Variants in GPRC6A observed in about 807,000 individuals in gnomAD.
GPRC6A encodes G protein-coupled receptor family C group 6 member A.
Under a neutral mutation model 47.0 loss-of-function variants are expected in GPRC6A, and 54 were observed. The ratio of observed to expected loss-of-function variants is 1.15; its 90% CI spans 0.92 to 1.44. The LOEUF (loss-of-function observed/expected upper bound fraction) is 1.44, where lower values mean the gene tolerates loss of function less well. Among genes scored for constraint, GPRC6A ranks in the 40% most tolerant of loss-of-function variants. GPRC6A has a pLI of 0.00. For missense variants in GPRC6A, 1,112 were observed against 1,105.5 expected, an observed-to-expected ratio of 1.01 and a Z score of -0.08; for synonymous variants, 347 against 377.1, an observed-to-expected ratio of 0.92 and a Z score of 0.93.
rs751706816 is a variant in GPRC6A, at chr6:116,807,144, C to A, written c.561G>T (p.Arg187=). The change falls in exon 3 of 6, where the codon CGG becomes CGT. Residue 187 remains arginine (R), a synonymous_variant. Coordinates refer to ENST00000310357, the MANE Select transcript of GPRC6A (RefSeq NM_148963.4). The stretch of plus-strand genomic sequence containing the variant: ...TTTGATGGAAGTCACTGGGCACAGT[C>A]CGTAAAAATGAAGGAAAGCGAATTT... The part of the protein sequence containing the change: ...SDKIRFPSFL[R]TVPSDFHQIK... 1 of 1,613,366 alleles carries A rather than the reference C, an allele frequency of 6.2e-7. No individual in the cohort carries two copies. The highest frequency in any genetic ancestry group is 8.5e-7 in the Non-Finnish European group (1 of 1,179,698).
intron 3 of GPRC6A, among the ~76,000 whole-genome samples, chr6:116,802,448 T>A (rs1195452043): frequency 6.6e-6 from 1 of 152,160 alleles, no homozygotes; most frequent in Non-Finnish European, 1.5e-5. Flanking sequence ...CACCTGTGTA[T>A]GATAATGCCT....
rs1424648465 is a variant in GPRC6A at position 116,793,186 on chromosome 6, G to A, written c.1737C>T (p.Cys579=). 1 of 1,612,432 alleles carries A rather than the reference G, an allele frequency of 6.2e-7. No individual in the cohort carries two copies. Among genetic ancestry groups the A allele is most frequent in the Admixed American group, 1.7e-5 (1 of 59,878 alleles). The change falls in exon 6 of 6, where the codon TGC becomes TGT. Residue 579 remains cysteine, a synonymous_variant. Transcript: ENST00000310357. ...THWAPVRSTM[C]FEKEVEYLNW... is the part of the protein sequence containing the mutation. ...TGAGATATTCCACTTCCTTTTCAAA[G>A]CACATAGTGCTCCTAACAGGGGCCC... is the stretch of plus-strand genomic sequence containing the variant.
chr6:116,814,396 C>T (rs1039964890), intron 1 of GPRC6A, among the ~76,000 whole-genome samples: 8 of 152,166 alleles, frequency 5.3e-5, no homozygotes, highest in Non-Finnish European at 1.2e-4. Flanking sequence ...AAATGTGGCA[C>T]ATATACACCA....
At chr6:116,814,022 A>G (rs1337343387) in intron 1 of GPRC6A, among the ~76,000 whole-genome samples, 1 of 152,236 alleles carries the variant, frequency 6.6e-6, no homozygotes. Context: ...ATTCCTGGTC[A>G]TCAGAGAAAA....
chr6:116,825,835 G>C (rs1286276808), intron 1 of GPRC6A, among the ~76,000 whole-genome samples: 1 of 151,754 alleles, frequency 6.6e-6, no homozygotes, highest in Non-Finnish European at 1.5e-5. Context: ...AAAACAGCAT[G>C]GTATAAAAAT....
rs751876928 is a variant in GPRC6A, at chr6:116,792,869, A to C, written c.2054T>G (p.Leu685Trp). Residue 685 changes from leucine to tryptophan, a missense_variant, in exon 6 of 6, where the codon TTG becomes TGG. Coordinates refer to ENST00000310357, the MANE Select transcript of GPRC6A (RefSeq NM_148963.4). ...SCILTKSLKILLAFSFDPKLQ... is the reference protein window; with the variant it reads ...SCILTKSLKIWLAFSFDPKLQ... Reference sequence around the variant, plus strand: ...TTTGGGATCAAAGCTGAAGGCTAGCAAAATTTTCAGAGACTTCGTCAAAAT... The same window carrying C: ...TTTGGGATCAAAGCTGAAGGCTAGCCAAATTTTCAGAGACTTCGTCAAAAT... 1 of 1,614,000 alleles carries C rather than the reference A, an allele frequency of 6.2e-7. No homozygotes were observed. The highest frequency in any genetic ancestry group is 1.3e-5 in the African/African-American group (1 of 74,944).
In GPRC6A at chr6:116,800,718, T is replaced by C; in HGVS notation, c.1414A>G (p.Thr472Ala). 1 of 1,611,292 alleles carries C rather than the reference T, an allele frequency of 6.2e-7. No individual in the cohort carries two copies. ...TTCCAGAGCACAACATCATATCCAGTATTTAAATCCCCGTGAGCATCAAAA... is the reference window on the plus strand; with the variant it reads ...TTCCAGAGCACAACATCATATCCAGCATTTAAATCCCCGTGAGCATCAAAA... ...FHFDAHGDLNTGYDVVLWKEI... is the reference protein window; with the variant it reads ...FHFDAHGDLNAGYDVVLWKEI... Residue 472 changes from threonine (T) to alanine (A), a missense_variant, in exon 4 of 6, where the codon ACT becomes GCT. By Grantham distance (58) the Thr-to-Ala change is moderately conservative (BLOSUM62 0). Transcript: ENST00000310357.
chr6:116,802,350 A>C (rs1772700589), intron 3 of GPRC6A, among the ~76,000 whole-genome samples: 1 of 152,156 alleles, frequency 6.6e-6, no homozygotes, highest in South Asian at 2.1e-4. Flanking sequence ...ATCATTTAAA[A>C]AAATTTTCAT....
chr6:116,797,038 C>G (rs1582453984), intron 4 of GPRC6A, among the ~76,000 whole-genome samples: 1 of 152,156 alleles, frequency 6.6e-6, no homozygotes, highest in Middle Eastern at 3.4e-3. Context: ...CCCGCCTCCC[C>G]CTACCCCACA....
chr6:116,818,784 A>G (rs1773344092), intron 1 of GPRC6A, among the ~76,000 whole-genome samples: 1 of 151,746 alleles, frequency 6.6e-6, no homozygotes, highest in Non-Finnish European at 1.5e-5. Flanking sequence ...CGAGACTAGG[A>G]AGAAACTGCA....
chr6:116,824,498 A>G (rs1164427584), intron 1 of GPRC6A, among the ~76,000 whole-genome samples: 1 of 152,044 alleles, frequency 6.6e-6, no homozygotes, highest in Non-Finnish European at 1.5e-5. Flanking sequence ...ACCTAGAGGA[A>G]ATGTGAAAAT....
At chr6:116,793,787 A>G (rs1367714238) in intron 5 of GPRC6A, among the ~76,000 whole-genome samples, 1 of 152,224 alleles carries the variant, frequency 6.6e-6, no homozygotes, top group Non-Finnish European at 1.5e-5. Context: ...ACCATTACAC[A>G]TAGTAGACCC....
At chr6:116,812,525 A>G (rs919304722) in intron 1 of GPRC6A, among the ~76,000 whole-genome samples, 1 of 152,200 alleles carries the variant, frequency 6.6e-6, no homozygotes, top group Non-Finnish European at 1.5e-5. Flanking sequence ...AGAAAACAAC[A>G]TAGAATATAT....
intron 1 of GPRC6A, among the ~76,000 whole-genome samples, chr6:116,814,671 G>A (rs908479788): frequency 6.6e-6 from 1 of 152,050 alleles, no homozygotes; most frequent in Non-Finnish European, 1.5e-5. Flanking sequence ...GTTCGTGGGT[G>A]CAGCAAACCA....
At chr6:116,818,483 G>T (rs1421057758) in intron 1 of GPRC6A, among the ~76,000 whole-genome samples, 1 of 104,042 alleles carries the variant, frequency 9.6e-6, no homozygotes, top group Admixed American at 1.3e-4. Flanking sequence ...GCAGTGAGCC[G>T]AGATCCCGCC....
At chr6:116,812,177 T>A (rs1221858916) in intron 1 of GPRC6A, among the ~76,000 whole-genome samples, 3 of 152,172 alleles carry the variant, frequency 2.0e-5, no homozygotes, top group Non-Finnish European at 4.4e-5. Context: ...AGAGGATATC[T>A]CAGCAGAAAC....
Position 116,800,574 on chromosome 6 carries a change from A to G in GPRC6A, c.1548+10T>C, listed in dbSNP as rs1697890210. ...TTTGAGTGCTACAAAACGGCCTACA[A>G]CAAGGTTACCTTAAGATTCCTGAAC... On this transcript the variant is annotated intron_variant, in intron 4 of 5. Coordinates refer to ENST00000310357, the MANE Select transcript of GPRC6A (RefSeq NM_148963.4). 1 of 1,601,466 alleles carries G rather than the reference A, an allele frequency of 6.2e-7. No individual in the cohort carries two copies. Among genetic ancestry groups the G allele is most frequent in the Non-Finnish European group, 8.6e-7 (1 of 1,168,764 alleles).
At chr6:116,823,470 A>G (rs1419700924) in intron 1 of GPRC6A, among the ~76,000 whole-genome samples, 1 of 152,088 alleles carries the variant, frequency 6.6e-6, no homozygotes, top group Non-Finnish European at 1.5e-5. Flanking sequence ...TATCACCATC[A>G]TCATTTTGGT....
chr6:116,807,215 A>C lies in GPRC6A; in HGVS notation c.499-9T>G. The C allele has an allele frequency of 6.4e-7, 1 of 1,555,284 alleles. No homozygotes were observed. ...GTTGATTCATAACCCACCTGGAAAT[A>C]GACAGAATATTTTAGTTATGGTGTT... On this transcript the variant is annotated splice_polypyrimidine_tract_variant and intron_variant, in intron 2 of 5. Coordinates refer to ENST00000310357, the MANE Select transcript of GPRC6A (RefSeq NM_148963.4).
Sources: allele counts gnomAD v4.1 joint callset (sites outside exome capture counted in the v4.1 genomes callset), GRCh38; gene constraint gnomAD v4.1.1; transcripts MANE v1.5; gene names NCBI Gene and HGNC (gene_info 2026-07-23, HGNC 2026-07-21).